The following LRP1B variants were observed in gnomAD, a reference collection of about 807,000 sequenced individuals.
LRP1B encodes low-density lipoprotein receptor-related protein 1B.
A neutral mutation model predicts 556.6 loss-of-function variants in LRP1B; 217 were observed. The ratio of observed to expected loss-of-function variants is 0.39; its 90% CI spans 0.35 to 0.44. The LOEUF (loss-of-function observed/expected upper bound fraction) is 0.44. Among genes scored for constraint, LRP1B ranks in the 20% least tolerant of loss-of-function variants. The probability of loss-of-function intolerance (pLI) is 1.00; values close to 1 mark genes in which losing one functional copy is unlikely to be tolerated. For synonymous variants in LRP1B, 2,047 were observed against 1,865.8 expected, an observed-to-expected ratio of 1.10 and a Z score of -2.50; for missense variants, 5,053 against 5,620.8, an observed-to-expected ratio of 0.90 and a Z score of 3.23.
intron 2 of LRP1B, among the ~76,000 whole-genome samples, chr2:141,759,602 G>A (rs998250886): frequency 3.3e-5 from 5 of 152,210 alleles, no homozygotes; most frequent in African/African-American, 7.2e-5. Context: ...CATGTTATAC[G>A]CTAAATCATT....
At chr2:141,668,423 TC>T (rs1217095024) in intron 2 of LRP1B, among the ~76,000 whole-genome samples, 1 of 151,982 alleles carries the variant, frequency 6.6e-6, no homozygotes, top group African/African-American at 2.4e-5. Flanking sequence ...CTATCCTATA[TC>T]CATATAAACT....
chr2:141,356,936 C>T (rs896645208), intron 3 of LRP1B, among the ~76,000 whole-genome samples: 1 of 152,156 alleles, frequency 6.6e-6, no homozygotes, highest in African/African-American at 2.4e-5. Context: ...TTTCACCAGC[C>T]TCCCTTTCAT....
chr2:141,690,047 A>T (rs906652), intron 2 of LRP1B, among the ~76,000 whole-genome samples: 63,170 of 150,964 alleles, frequency 0.42, 13,957 homozygotes, highest in East Asian at 0.68. Flanking sequence ...CAAGAGAAAA[A>T]CTCTTCCATT....
At chr2:141,271,782 A>AC (rs1465138020) in intron 3 of LRP1B, among the ~76,000 whole-genome samples, 3 of 151,662 alleles carry the variant, frequency 2.0e-5, no homozygotes, top group Non-Finnish European at 3.0e-5. Flanking sequence ...AAAAAAAAAA[A>AC]AACCCAGGAT....
chr2:141,534,067 G>A (rs779768952), intron 2 of LRP1B, among the ~76,000 whole-genome samples: 6 of 152,164 alleles, frequency 3.9e-5, no homozygotes, highest in Non-Finnish European at 5.9e-5. Flanking sequence ...GAGAGAGAGA[G>A]AGGGGAGAAG....
chr2:141,704,470 C>G (rs975780713), intron 2 of LRP1B, among the ~76,000 whole-genome samples: 2 of 151,888 alleles, frequency 1.3e-5, no homozygotes, highest in Admixed American at 6.6e-5. Context: ...CCTCCATGTT[C>G]TTGAATTTGA....
intron 41 of LRP1B, among the ~76,000 whole-genome samples, chr2:140,639,343 C>T (rs1684190675): frequency 6.6e-6 from 1 of 152,114 alleles, no homozygotes; most frequent in African/African-American, 2.4e-5. Context: ...TCTTGAGACA[C>T]TACAACACGT....
At chr2:140,552,010 G>A (rs1339820132) in intron 43 of LRP1B, among the ~76,000 whole-genome samples, 2 of 152,026 alleles carry the variant, frequency 1.3e-5, no homozygotes, top group African/African-American at 4.8e-5. Flanking sequence ...GTTAGCTCAA[G>A]GTCACAGATT....
chr2:140,562,179 T>A (rs1021342390), intron 43 of LRP1B, among the ~76,000 whole-genome samples: 4 of 152,296 alleles, frequency 2.6e-5, no homozygotes, highest in Middle Eastern at 3.4e-3. Context: ...AAGTTACTTT[T>A]AAAAGTTTAG....
chr2:141,087,014 T>G (rs576250468), intron 7 of LRP1B, among the ~76,000 whole-genome samples: 1 of 152,286 alleles, frequency 6.6e-6, no homozygotes, highest in East Asian at 1.9e-4. Flanking sequence ...GGCATCCCAC[T>G]TACATAGCAC....
At chr2:141,244,636 A>G (rs1173757869) in intron 5 of LRP1B, among the ~76,000 whole-genome samples, 2 of 152,166 alleles carry the variant, frequency 1.3e-5, no homozygotes, top group Non-Finnish European at 2.9e-5. Flanking sequence ...CACTAACTGG[A>G]ATTACATATA....
chr2:141,219,372 C>G (rs1180193920), intron 6 of LRP1B, among the ~76,000 whole-genome samples: 1 of 152,222 alleles, frequency 6.6e-6, no homozygotes, highest in Non-Finnish European at 1.5e-5. Context: ...CCAGATCCAT[C>G]CTTTCTCATT....
chr2:141,330,980 G>A (rs1378212168), intron 3 of LRP1B, among the ~76,000 whole-genome samples: 1 of 152,028 alleles, frequency 6.6e-6, no homozygotes, highest in Non-Finnish European at 1.5e-5. Context: ...AGATGGTCTC[G>A]ATCTCCTGAC....
intron 21 of LRP1B, among the ~76,000 whole-genome samples, chr2:140,908,902 C>T (rs1241333798): frequency 2.6e-5 from 4 of 152,148 alleles, no homozygotes; most frequent in African/African-American, 9.7e-5. Flanking sequence ...CAGGTTCAAG[C>T]AATTCTCCTG....
chr2:140,816,689 G>T (rs1358320291), intron 31 of LRP1B, among the ~76,000 whole-genome samples: 12 of 151,812 alleles, frequency 7.9e-5, no homozygotes, highest in Non-Finnish European at 2.9e-5. Context: ...ACCCTTAAAT[G>T]TTCTTGGGTG....
rs1241978341 is a variant in LRP1B, at chr2:140,766,172, C to A, written c.5758+3041G>T. On this transcript the variant is annotated intron_variant, in intron 35 of 90. Coordinates refer to ENST00000389484, the MANE Select transcript of LRP1B (RefSeq NM_018557.3). ...GCAAAAGAAATTAATCAAGAAAGAA[C>A]CTATAATCAGGTGAAATATGAAGGT... is the stretch of plus-strand genomic sequence containing the variant. 2.7e-5 allele frequency among the ~76,000 whole-genome samples: 4 copies of A among 149,684 alleles called. No individual in the cohort carries two copies. The East Asian group carries it at 6.0e-4, about 22-fold the overall frequency.
intron 6 of LRP1B, among the ~76,000 whole-genome samples, chr2:141,200,246 A>C (rs967772942): frequency 1.3e-5 from 2 of 151,302 alleles, no homozygotes; most frequent in Non-Finnish European, 2.9e-5. Flanking sequence ...ATGTAGCCAC[A>C]AAAAAACAAA....
intron 35 of LRP1B, among the ~76,000 whole-genome samples, chr2:140,731,658 C>G (rs1488872148): frequency 1.3e-5 from 2 of 149,806 alleles, no homozygotes; most frequent in African/African-American, 2.5e-5. Context: ...GTCCCAGCTA[C>G]TCAGGAGACT....
chr2:140,934,017 T>A (rs1695129694), intron 20 of LRP1B, among the ~76,000 whole-genome samples: 1 of 152,082 alleles, frequency 6.6e-6, no homozygotes. Context: ...ATTGTTTATA[T>A]GTCTCAGTGG....
Sources: allele counts gnomAD v4.1 joint callset (sites outside exome capture counted in the v4.1 genomes callset), GRCh38; gene constraint gnomAD v4.1.1; transcripts MANE v1.5; gene names NCBI Gene and HGNC (gene_info 2026-07-23, HGNC 2026-07-21).